The following RNF38 variants were observed in gnomAD, a reference collection of about 807,000 sequenced individuals.
The protein encoded by RNF38 is E3 ubiquitin-protein ligase RNF38.
RNF38 carries 15 observed loss-of-function variants against 67.2 expected under a neutral mutation model. The observed-to-expected ratio is 0.22, with a 90% CI of 0.15 to 0.34. The LOEUF (loss-of-function observed/expected upper bound fraction) is 0.34. Among genes scored for constraint, RNF38 ranks in the 10% least tolerant of loss-of-function variants. The pLI, the probability that RNF38 is intolerant of heterozygous loss-of-function variation, is 1.00. For missense variants in RNF38, 524 were observed against 639.9 expected (o/e 0.82, Z 1.95); for synonymous variants, 220 against 218.8 (o/e 1.01, Z -0.05).
At chr9:36,358,838 C>T (rs533157323) in intron 4 of RNF38, among the ~76,000 whole-genome samples, 5 of 152,146 alleles carry the variant, frequency 3.3e-5, no homozygotes, top group South Asian at 4.2e-4. Context: ...GGTGAAAACC[C>T]GTCTCTACTA....
chr9:36,396,164 A>G (rs1219240452), intron 1 of RNF38, among the ~76,000 whole-genome samples: 1 of 152,238 alleles, frequency 6.6e-6, no homozygotes, highest in African/African-American at 2.4e-5. Context: ...ACTATTTATT[A>G]AAAGAATAAT....
intron 2 of RNF38, among the ~76,000 whole-genome samples, chr9:36,417,118 G>T (rs781149842): frequency 3.7e-4 from 57 of 152,084 alleles, no homozygotes; most frequent in Non-Finnish European, 7.2e-4. Flanking sequence ...CTCCAGGTAA[G>T]GTTAAATCCT....
intron 2 of RNF38, among the ~76,000 whole-genome samples, chr9:36,377,233 T>C (rs1449693609): frequency 6.6e-6 from 1 of 152,222 alleles, no homozygotes; most frequent in Non-Finnish European, 1.5e-5. Context: ...ATAGAACGTC[T>C]ATCTCCAATC....
chr9:36,381,098 T>C (rs1043981616), intron 2 of RNF38, among the ~76,000 whole-genome samples: 1 of 152,214 alleles, frequency 6.6e-6, no homozygotes, highest in Non-Finnish European at 1.5e-5. Context: ...GAATTCAAAC[T>C]TAGGTTCACT....
chr9:36,448,372 G>A (rs999917973), intron 1 of RNF38, among the ~76,000 whole-genome samples: 1 of 152,146 alleles, frequency 6.6e-6, no homozygotes, highest in South Asian at 2.1e-4. Context: ...ATTGAAAAAC[G>A]AACCTCACAA....
chr9:36,368,815 A>C (rs557434175), intron 4 of RNF38, among the ~76,000 whole-genome samples: 92 of 152,178 alleles, frequency 6.0e-4, no homozygotes, highest in African/African-American at 2.2e-3. Context: ...TTTTTGGTTT[A>C]TAAACTCACA....
chr9:36,372,923 G>C (rs1460882653), intron 3 of RNF38, among the ~76,000 whole-genome samples: 1 of 152,014 alleles, frequency 6.6e-6, no homozygotes, highest in Non-Finnish European at 1.5e-5. Context: ...ATAATACTAA[G>C]AGCCGGGTGC....
intron 1 of RNF38, among the ~76,000 whole-genome samples, chr9:36,440,602 A>T (rs929701503): frequency 6.6e-6 from 1 of 152,052 alleles, no homozygotes; most frequent in South Asian, 2.1e-4. Flanking sequence ...ATATACTGTT[A>T]AGTGGAAAAA....
intron 1 of RNF38, among the ~76,000 whole-genome samples, chr9:36,399,494 ATATAT>A (rs896656720): frequency 2.5e-3 from 44 of 17,538 alleles, no homozygotes; most frequent in Admixed American, 3.9e-3. Flanking sequence ...AATATATATA[ATATAT>A]TATATAATAC....
intron 1 of RNF38, among the ~76,000 whole-genome samples, chr9:36,396,327 A>C (rs993437832): frequency 6.6e-6 from 1 of 152,240 alleles, no homozygotes; most frequent in African/African-American, 2.4e-5. Flanking sequence ...AAATGAAGTC[A>C]GTGGTTGCCC....
intron 4 of RNF38, among the ~76,000 whole-genome samples, chr9:36,368,211 T>C (rs891602692): frequency 2.0e-5 from 3 of 152,216 alleles, no homozygotes; most frequent in South Asian, 2.1e-4. Context: ...ATTTCTGCCA[T>C]GGCTACCGGT....
rs1835767868 is a variant in RNF38 at position 36,376,118 on chromosome 9, T to TCCTC, written c.171_172insGAGG (p.Ser58GlufsTer6). On this transcript the variant is annotated frameshift_variant, in exon 3 of 12. Transcript: ENST00000259605. LOFTEE classifies it high-confidence loss of function. ...AGGCGCTGTCTCTTAGGACTTGGAC[T>TCCTC]ATCTTCACTCTGCCAATGCAACAAA... The TCCTC allele has an allele frequency of 6.4e-7, 1 of 1,572,412 alleles. No homozygotes were observed. The highest frequency in any genetic ancestry group is 1.2e-5 in the South Asian group (1 of 83,140).
At chr9:36,400,370 T>C, upstream of RNF38, 4 of 1,187,566 alleles carry the variant, frequency 3.4e-6, no homozygotes, top group Non-Finnish European at 3.1e-6. Context: ...CGAGGCCATC[T>C]GCCGGGCAGC....
chr9:36,410,217 A>G (rs1174877731), intron 2 of RNF38, among the ~76,000 whole-genome samples: 1 of 152,262 alleles, frequency 6.6e-6, no homozygotes, highest in Non-Finnish European at 1.5e-5. Context: ...AAATTATTAA[A>G]ACTTTTAGAA....
intron 2 of RNF38, among the ~76,000 whole-genome samples, chr9:36,409,612 C>T (rs942080226): frequency 6.6e-6 from 1 of 152,208 alleles, no homozygotes; most frequent in African/African-American, 2.4e-5. Context: ...ATAACTTGCT[C>T]TAGATGACAC....
At chr9:36,374,084 AT>A (rs1170181633) in intron 3 of RNF38, among the ~76,000 whole-genome samples, 1 of 152,224 alleles carries the variant, frequency 6.6e-6, no homozygotes, top group Non-Finnish European at 1.5e-5. Context: ...ATACTTTCTC[AT>A]GCTTATTATA....
At chr9:36,373,589 C>CTTTT (rs71494622) in intron 3 of RNF38, among the ~76,000 whole-genome samples, 2 of 131,760 alleles carry the variant, frequency 1.5e-5, no homozygotes, top group African/African-American at 5.7e-5. Context: ...TTTGTTAGCC[C>CTTTT]TTTTTTTTTT....
chr9:36,410,463 A>G (rs1418190194), intron 2 of RNF38, among the ~76,000 whole-genome samples: 2 of 152,102 alleles, frequency 1.3e-5, no homozygotes, highest in Non-Finnish European at 2.9e-5. Flanking sequence ...TGCAGCTGGG[A>G]TTACAGGCGT....
chr9:36,401,089 A>G, upstream of RNF38: 2 of 983,630 alleles, frequency 2.0e-6, no homozygotes, highest in Non-Finnish European at 2.4e-6. Flanking sequence ...TCCCCTCGCC[A>G]GCACAAACCT....
Sources: allele counts gnomAD v4.1 joint callset (sites outside exome capture counted in the v4.1 genomes callset), GRCh38; gene constraint gnomAD v4.1.1; transcripts MANE v1.5; gene names NCBI Gene and HGNC (gene_info 2026-07-23, HGNC 2026-07-21).